Variants in ANKRD44 observed in about 807,000 individuals in gnomAD.
ANKRD44 encodes the protein serine/threonine-protein phosphatase 6 regulatory ankyrin repeat subunit B.
Under a neutral mutation model 116.0 loss-of-function variants are expected in ANKRD44, and 35 were observed. That is an observed-to-expected ratio of 0.30 (90% CI 0.23 to 0.40). ANKRD44 has a LOEUF of 0.40. Among genes scored for constraint, ANKRD44 ranks in the 10% least tolerant of loss-of-function variants. The probability of loss-of-function intolerance (pLI) is 1.00; values close to 1 mark genes in which losing one functional copy is unlikely to be tolerated. For missense variants in ANKRD44, 1,014 were observed against 1,242.6 expected (o/e 0.82, Z 2.77); for synonymous variants, 435 against 461.8 (o/e 0.94, Z 0.74).
chr2:197,260,433 T>C lies in ANKRD44; in HGVS notation c.27+50145A>G, dbSNP rs1032278283. ...TGAATCATCATTTTTTATGGCTGCA[T>C]AGTATTCCATGGTGTATATGTGCCA... On this transcript the variant is annotated intron_variant, in intron 1 of 27. Coordinates refer to ENST00000282272, the MANE Select transcript of ANKRD44 (RefSeq NM_001195144.2). Among the ~76,000 whole-genome samples the C allele has an allele frequency of 3.9e-5, 6 of 152,224 alleles. No individual in the cohort carries two copies. The East Asian group carries it at 7.7e-4, about 19-fold the overall frequency.
At chr2:196,991,750 T>C (rs1451030107) in intron 27 of ANKRD44, among the ~76,000 whole-genome samples, 1 of 79,802 alleles carries the variant, frequency 1.3e-5, no homozygotes, top group East Asian at 5.4e-4. Flanking sequence ...CCGGCTGATT[T>C]TTTCTTTTTT....
intron 16 of ANKRD44, among the ~76,000 whole-genome samples, chr2:197,026,047 C>CAAAAAAAAAAAAAAAAA (rs111706910): frequency 7.7e-6 from 1 of 130,344 alleles, no homozygotes. Flanking sequence ...TAAAAAGAAA[C>CAAAAAAAAAAAAAAAAA]AAAAAAAAAA....
intron 1 of ANKRD44, among the ~76,000 whole-genome samples, chr2:197,206,534 T>C (rs2081210309): frequency 6.6e-6 from 1 of 151,840 alleles, no homozygotes. Flanking sequence ...AATACAAAAA[T>C]CGGCCAGGCA....
chr2:197,205,348 G>A (rs2081182493), intron 1 of ANKRD44, among the ~76,000 whole-genome samples: 1 of 152,192 alleles, frequency 6.6e-6, no homozygotes, highest in Non-Finnish European at 1.5e-5. Context: ...GGGAAGGAGG[G>A]ATTGAGGAAA....
chr2:197,260,258 G>A (rs560052594), intron 1 of ANKRD44, among the ~76,000 whole-genome samples: 6 of 151,986 alleles, frequency 3.9e-5, no homozygotes, highest in South Asian at 2.1e-4. Context: ...AACAGTCCCC[G>A]GTGTGTGATG....
chr2:196,999,535 C>T (rs1414011874), intron 23 of ANKRD44, among the ~76,000 whole-genome samples: 1 of 151,858 alleles, frequency 6.6e-6, no homozygotes, highest in Non-Finnish European at 1.5e-5. Flanking sequence ...ATTTATCTCT[C>T]AGATACACTT....
At chr2:197,026,853 G>A (rs940281109) in intron 16 of ANKRD44, among the ~76,000 whole-genome samples, 1 of 152,026 alleles carries the variant, frequency 6.6e-6, no homozygotes, top group African/African-American at 2.4e-5. Context: ...GATATTTTTG[G>A]AGGTAAAATC....
At chr2:197,033,315 G>A (rs576129375) in intron 16 of ANKRD44, among the ~76,000 whole-genome samples, 1 of 152,232 alleles carries the variant, frequency 6.6e-6, no homozygotes, top group East Asian at 1.9e-4. Flanking sequence ...TGGTGGTGAT[G>A]GTAATGATTA....
chr2:197,005,772 G>A lies in ANKRD44; in HGVS notation c.2269C>T (p.Gln757Ter). The part of the protein sequence containing the change: ...GHATWLSELL[Q>*]MALSEEDCCF... ...CAGTCCTCCTCAGAAAGAGCCATTT[G>A]GAGCAGCTCGCTCAGCCACGTGGCG... Residue 757 changes from glutamine to a stop codon, truncating the protein, a stop_gained, in exon 21 of 28, where the codon CAA becomes TAA. Transcript: ENST00000282272. LOFTEE classifies it high-confidence loss of function. 1 of 1,614,198 alleles carries A rather than the reference G, an allele frequency of 6.2e-7. No individual in the cohort carries two copies. The highest frequency in any genetic ancestry group is 8.5e-7 in the Non-Finnish European group (1 of 1,180,026).
chr2:197,104,933 T>C (rs1263502789), intron 9 of ANKRD44, among the ~76,000 whole-genome samples: 2 of 152,178 alleles, frequency 1.3e-5, no homozygotes, highest in Non-Finnish European at 2.9e-5. Context: ...TGTTTGAAAA[T>C]CAACTTGCTG....
chr2:197,290,798 TTTG>T (rs2083544438), intron 1 of ANKRD44, among the ~76,000 whole-genome samples: 1 of 149,020 alleles, frequency 6.7e-6, no homozygotes, highest in Non-Finnish European at 1.5e-5. Context: ...TTTTTGTTTG[TTTG>T]TTTTTTGTTT....
At chr2:197,233,344 T>C (rs1025525632) in intron 1 of ANKRD44, among the ~76,000 whole-genome samples, 1 of 152,200 alleles carries the variant, frequency 6.6e-6, no homozygotes, top group Non-Finnish European at 1.5e-5. Context: ...ATGATCAATG[T>C]GCCTCTCAGA....
chr2:197,153,904 GGTT>G, intron 2 of ANKRD44, among the ~76,000 whole-genome samples: 1 of 151,962 alleles, frequency 6.6e-6, no homozygotes, highest in Non-Finnish European at 1.5e-5. Flanking sequence ...AAAGGGATTA[GGTT>G]GTTTTTAATT....
chr2:197,125,520 C>G, intron 5 of ANKRD44, 52 bp from the exon 6 acceptor site: 1 of 1,477,810 alleles, frequency 6.8e-7, no homozygotes, highest in Non-Finnish European at 9.5e-7. Context: ...ATGGTGAGGC[C>G]TCCTCACTGC....
chr2:197,300,643 A>T (rs1268034376), intron 1 of ANKRD44, among the ~76,000 whole-genome samples: 1 of 152,134 alleles, frequency 6.6e-6, no homozygotes, highest in Non-Finnish European at 1.5e-5. Context: ...CTATTTCAAG[A>T]ATCCTAATGT....
intron 15 of ANKRD44, 101 bp from the exon 16 acceptor site, chr2:197,078,915 T>G: frequency 1.6e-6 from 2 of 1,251,312 alleles, no homozygotes; most frequent in Non-Finnish European, 2.2e-6. Context: ...TGAAGTACTT[T>G]ATGAGTTTGT....
intron 6 of ANKRD44, among the ~76,000 whole-genome samples, chr2:197,123,995 T>C (rs997879013): frequency 6.6e-6 from 1 of 152,190 alleles, no homozygotes; most frequent in East Asian, 1.9e-4. Flanking sequence ...TTTAACTGTA[T>C]ATACATCAGC....
At chr2:196,981,651 G>A (rs1469056952) in intron 21 of ANKRD44, among the ~76,000 whole-genome samples, 3 of 152,080 alleles carry the variant, frequency 2.0e-5, no homozygotes, top group African/African-American at 7.2e-5. Context: ...GTGGTGGTGT[G>A]TGCCTGTAGT....
intron 9 of ANKRD44, among the ~76,000 whole-genome samples, chr2:197,102,236 T>C (rs181821532): frequency 6.6e-6 from 1 of 152,354 alleles, no homozygotes; most frequent in Admixed American, 6.5e-5. Flanking sequence ...ATTTAGGTTG[T>C]AAATAACATT....
Sources: gnomAD v4.1 joint callset for allele counts (sites outside exome capture counted in the v4.1 genomes callset) on GRCh38, gnomAD v4.1.1 for gene constraint, MANE v1.5 for transcripts, NCBI Gene and HGNC (gene_info 2026-07-23, HGNC 2026-07-21) for gene names.